GRIN3A: variants seen among roughly 807,000 people sequenced by gnomAD.
The protein encoded by GRIN3A is glutamate receptor ionotropic, NMDA 3A.
GRIN3A carries 47 observed loss-of-function variants against 92.4 expected under a neutral mutation model. The observed-to-expected ratio is 0.51, with a 90% CI of 0.40 to 0.65. The LOEUF is 0.65. Among genes scored for constraint, GRIN3A ranks in the 30% least tolerant of loss-of-function variants. GRIN3A has a pLI of 0.00. For missense variants in GRIN3A, 1,324 were observed against 1,393.1 expected (o/e 0.95, Z 0.79); for synonymous variants, 527 against 540.6 (o/e 0.97, Z 0.35).
chr9:101,651,321 C>T (rs1829012267), intron 3 of GRIN3A, among the ~76,000 whole-genome samples: 1 of 151,950 alleles, frequency 6.6e-6, no homozygotes, highest in East Asian at 1.9e-4. Context: ...AGAAAAACAA[C>T]ACCAAGCAAA....
At position 101,579,291 on chromosome 9, in the gene GRIN3A, T is replaced by G. The variant is rs762240371; in HGVS notation, c.2836A>C (p.Ile946Leu). Reference protein sequence around the residue: ...VLLCIGFGLSILTTIGEHIVY... With the variant: ...VLLCIGFGLSLLTTIGEHIVY... ...ATGTGCTCACCAATGGTGGTCAAAATGGACAGACCAAATCCAATGCACAGC... is the reference window on the plus strand; with the variant it reads ...ATGTGCTCACCAATGGTGGTCAAAAGGGACAGACCAAATCCAATGCACAGC... Residue 946 changes from isoleucine to leucine, a missense_variant, in exon 7 of 9, where the codon ATT becomes CTT. Transcript: ENST00000361820. 4.3e-6 allele frequency: 7 copies of G among 1,613,892 alleles called. No individual in the cohort carries two copies. In the East Asian group the frequency reaches 1.3e-4, roughly 31 times the overall value.
intron 2 of GRIN3A, among the ~76,000 whole-genome samples, chr9:101,673,093 G>C (rs1829350808): frequency 6.6e-6 from 1 of 152,142 alleles, no homozygotes; most frequent in Non-Finnish European, 1.5e-5. Context: ...GGAAAGTAAA[G>C]AGGAAGTTGT....
intron 3 of GRIN3A, among the ~76,000 whole-genome samples, chr9:101,664,180 G>A (rs1382055313): frequency 1.3e-5 from 2 of 151,968 alleles, no homozygotes; most frequent in Admixed American, 1.3e-4. Flanking sequence ...AAACACGGCT[G>A]CAGTTTCTAT....
chr9:101,719,729 G>A (rs983288613), intron 1 of GRIN3A, among the ~76,000 whole-genome samples: 3 of 152,300 alleles, frequency 2.0e-5, no homozygotes, highest in African/African-American at 7.2e-5. Flanking sequence ...TTGGAATGAA[G>A]TAAGCTTCAT....
rs1338289863 is a variant in GRIN3A at position 101,578,613 on chromosome 9, A to G, written c.2931+583T>C. 2.6e-5 allele frequency among the ~76,000 whole-genome samples: 4 copies of G among 152,182 alleles called. No homozygotes were observed. The East Asian group carries it at 7.7e-4, about 29-fold the overall frequency. ...GACTATATTTTGGGTCTCCATGCCA[A>G]TTTCATTCAGGGAGAGATATGCAAA... On this transcript the variant is annotated intron_variant, in intron 7 of 8. Transcript: ENST00000361820.
intron 2 of GRIN3A, among the ~76,000 whole-genome samples, chr9:101,673,110 A>C (rs1173492439): frequency 2.6e-5 from 4 of 152,166 alleles, no homozygotes; most frequent in African/African-American, 9.6e-5. Flanking sequence ...TTGTGGAAAG[A>C]GGAACCCTTC....
chr9:101,724,734 C>T (rs928296378), intron 1 of GRIN3A, among the ~76,000 whole-genome samples: 5 of 152,236 alleles, frequency 3.3e-5, no homozygotes, highest in South Asian at 2.1e-4. Context: ...TTGCTTTCTC[C>T]TCATTTTCTC....
intron 1 of GRIN3A, among the ~76,000 whole-genome samples, chr9:101,733,839 T>C (rs1209830244): frequency 6.6e-6 from 1 of 152,080 alleles, no homozygotes; most frequent in Non-Finnish European, 1.5e-5. Flanking sequence ...GTGTTGAAAA[T>C]AGTAGTGGGA....
At chr9:101,705,905 C>T (rs35728981) in intron 1 of GRIN3A, among the ~76,000 whole-genome samples, 21,507 of 152,104 alleles carry the variant, frequency 0.14, 1,888 homozygotes, top group Admixed American at 0.2. Context: ...TAAAACCACA[C>T]CACTGTTAAG....
intron 1 of GRIN3A, among the ~76,000 whole-genome samples, chr9:101,690,753 A>G (rs776064100): frequency 6.6e-6 from 1 of 152,202 alleles, no homozygotes; most frequent in Non-Finnish European, 1.5e-5. Flanking sequence ...AATAATTAAA[A>G]CAGGGAAGCA....
chr9:101,670,154 C>A lies in GRIN3A; in HGVS notation c.2258G>T (p.Cys753Phe). The A allele has an allele frequency of 6.2e-7, 1 of 1,613,708 alleles. No individual in the cohort carries two copies. The highest frequency in any genetic ancestry group is 8.5e-7 in the Non-Finnish European group (1 of 1,179,732). Reference protein sequence around the residue: ...RFLMNLWAIFCMFCLSTYTAN... With the variant: ...RFLMNLWAIFFMFCLSTYTAN... ...CGTGTATGTGGAAAGGCAAAACATA[C>A]AGAAAATGGCCCAAAGGTTCATTAG... The change falls in exon 3 of 9, where the codon TGT becomes TTT. Residue 753 changes from cysteine to phenylalanine, a missense_variant. Physicochemically the swap from Cys to Phe is radical, Grantham distance 205. Coordinates refer to ENST00000361820, the MANE Select transcript of GRIN3A (RefSeq NM_133445.3).
chr9:101,599,550 A>C (rs1828184076), intron 6 of GRIN3A, among the ~76,000 whole-genome samples: 1 of 152,164 alleles, frequency 6.6e-6, no homozygotes, highest in Non-Finnish European at 1.5e-5. Flanking sequence ...CTGTGGATTG[A>C]TGTGGACTGT....
At chr9:101,644,490 T>A (rs1485395886) in intron 3 of GRIN3A, among the ~76,000 whole-genome samples, 1 of 147,360 alleles carries the variant, frequency 6.8e-6, no homozygotes, top group African/African-American at 2.5e-5. Context: ...ACAGTGTGAA[T>A]ACATAGATAT....
chr9:101,685,594 C>T (rs1198301698), intron 2 of GRIN3A, among the ~76,000 whole-genome samples: 5 of 151,862 alleles, frequency 3.3e-5, no homozygotes, highest in Non-Finnish European at 5.9e-5. Context: ...CCGGGAATCA[C>T]CAAAACCATT....
chr9:101,674,644 C>A (rs1303907823), intron 2 of GRIN3A, among the ~76,000 whole-genome samples: 1 of 152,000 alleles, frequency 6.6e-6, no homozygotes. Flanking sequence ...AAAAAGTAAC[C>A]TTAAGTTCCT....
intron 3 of GRIN3A, among the ~76,000 whole-genome samples, chr9:101,635,990 C>T (rs1227024467): frequency 2.0e-5 from 3 of 152,180 alleles, no homozygotes; most frequent in Non-Finnish European, 4.4e-5. Flanking sequence ...ATTATCATGC[C>T]CCAGCCTCCC....
rs934679725 is a variant in GRIN3A, at chr9:101,696,369, G to A, written c.700-9169C>T. Among the ~76,000 whole-genome samples the A allele has an allele frequency of 7.2e-5, 11 of 152,300 alleles. No homozygotes were observed. The South Asian group carries it at 1.9e-3, about 26-fold the overall frequency. ...AATAACCCAGTCAGGGATGAAAGAG[G>A]CATTTCTGCAGTAGGATGTTAAAGC... On this transcript the variant is annotated intron_variant, in intron 1 of 8. Coordinates refer to ENST00000361820, the MANE Select transcript of GRIN3A (RefSeq NM_133445.3).
chr9:101,712,747 A>G (rs1829894975), intron 1 of GRIN3A, among the ~76,000 whole-genome samples: 1 of 152,226 alleles, frequency 6.6e-6, no homozygotes, highest in Non-Finnish European at 1.5e-5. Flanking sequence ...CAGCTAGTGG[A>G]AACAGAATAA....
chr9:101,651,283 A>G (rs1056698125), intron 3 of GRIN3A, among the ~76,000 whole-genome samples: 10 of 152,032 alleles, frequency 6.6e-5, no homozygotes, highest in African/African-American at 2.4e-4. Context: ...CCCTATGAAT[A>G]ATACAGAAAA....
Sources: gnomAD v4.1 joint callset for allele counts (sites outside exome capture counted in the v4.1 genomes callset) on GRCh38, gnomAD v4.1.1 for gene constraint, MANE v1.5 for transcripts, NCBI Gene and HGNC (gene_info 2026-07-23, HGNC 2026-07-21) for gene names.